Variants in ACSM3 observed in about 807,000 individuals in gnomAD.
The protein encoded by ACSM3 is acyl-CoA synthetase medium chain family member 3.
A neutral mutation model predicts 74.1 loss-of-function variants in ACSM3; 61 were observed. That is an observed-to-expected ratio of 0.82 (90% CI 0.67 to 1.02). The LOEUF is 1.02. ACSM3 is among the 50% of genes least tolerant of loss of function. The pLI is 0.00. For missense variants in ACSM3, 660 were observed against 697.0 expected, an observed-to-expected ratio of 0.95 and a Z score of 0.60; for synonymous variants, 213 against 241.5, an observed-to-expected ratio of 0.88 and a Z score of 1.09.
chr16:20,746,962 C>A (rs886404073), intron 1 of ACSM3, among the ~76,000 whole-genome samples: 2 of 152,174 alleles, frequency 1.3e-5, no homozygotes, highest in African/African-American at 4.8e-5. Context: ...TCTAAACATA[C>A]AAGTCTTTCT....
intron 1 of ACSM3, among the ~76,000 whole-genome samples, chr16:20,724,038 A>G (rs1303432185): frequency 6.6e-6 from 1 of 152,160 alleles, no homozygotes; most frequent in African/African-American, 2.4e-5. Context: ...TCTTTAATCC[A>G]TCTCGAATTA....
At chr16:20,741,693 C>T (rs866791857) in intron 1 of ACSM3, 1 of 1,578,280 alleles carries the variant, frequency 6.3e-7, no homozygotes, top group Non-Finnish European at 8.6e-7. Context: ...CTTGCCTTTG[C>T]GCTTCCCGCC....
chr16:20,741,481 G>GGGGGGGGGGGCCCCCCCCCCCCCCC, intron 1 of ACSM3: 1 of 1,308,410 alleles, frequency 7.6e-7, no homozygotes, highest in Non-Finnish European at 9.9e-7. Context: ...CTGGCAGCCG[G>GGGGGGGGGGGCCCCCCCCCCCCCCC]CCCGCCCGCC....
chr16:20,719,408 T>C (rs2079777823), intron 1 of ACSM3: 3 of 237,774 alleles, frequency 1.3e-5, no homozygotes, highest in South Asian at 1.6e-4. Context: ...TCCAGCTAGA[T>C]AGATCTTTAG....
Position 20,797,129 on chromosome 16 carries a change from T to G in ACSM3, c.*157T>G. ...GGTTATGATATCAGAGGCTAAATTTTGAAATAAAATATTTGGCAAATTCCT... is the reference window on the plus strand; with the variant it reads ...GGTTATGATATCAGAGGCTAAATTTGGAAATAAAATATTTGGCAAATTCCT... On this transcript the variant is annotated 3_prime_UTR_variant, in exon 14 of 14. Transcript: ENST00000289416. The G allele has an allele frequency of 7.3e-7, 1 of 1,369,722 alleles. No individual in the cohort carries two copies. The highest frequency in any genetic ancestry group is 9.4e-7 in the Non-Finnish European group (1 of 1,063,070). 84.8% of individuals were successfully genotyped at this position (1,369,722 alleles called of 1,614,324 possible).
At chr16:20,706,482 G>A (rs1280042998) in intron 1 of ACSM3, among the ~76,000 whole-genome samples, 1 of 152,156 alleles carries the variant, frequency 6.6e-6, no homozygotes, top group African/African-American at 2.4e-5. Flanking sequence ...TCTATTCAAG[G>A]GCAAAAGTGC....
chr16:20,700,571 AT>A (rs2079710362), intron 1 of ACSM3, among the ~76,000 whole-genome samples: 1 of 151,704 alleles, frequency 6.6e-6, no homozygotes, highest in Admixed American at 6.6e-5. Context: ...GGGGACTGGG[AT>A]GGCAGATTAC....
intron 1 of ACSM3, chr16:20,734,506 T>C (rs935952975): frequency 6.6e-6 from 1 of 152,160 alleles, no homozygotes; most frequent in Admixed American, 6.6e-5. Flanking sequence ...GCTAGGAGGA[T>C]AAAAATACAT....
intron 1 of ACSM3, among the ~76,000 whole-genome samples, chr16:20,694,448 G>T (rs2079679232): frequency 6.6e-6 from 1 of 152,156 alleles, no homozygotes; most frequent in African/African-American, 2.4e-5. Context: ...AGCCAAGTTG[G>T]TTCTAGAAGC....
At chr16:20,792,397 CAGT>C in intron 12 of ACSM3, 62 bp downstream of exon 12, 1 of 1,594,364 alleles carries the variant, frequency 6.3e-7, no homozygotes, top group Non-Finnish European at 8.6e-7. Context: ...TACTTACAAA[CAGT>C]AGCTCAGTGA....
intron 1 of ACSM3, among the ~76,000 whole-genome samples, chr16:20,731,268 CT>C (rs1360561117): frequency 9.8e-5 from 15 of 152,300 alleles, no homozygotes; most frequent in South Asian, 6.2e-4. Context: ...ATTTGTCCCC[CT>C]GGTACATGCT....
chr16:20,691,156 C>G, intron 1 of ACSM3: 1 of 1,610,328 alleles, frequency 6.2e-7, no homozygotes, highest in South Asian at 1.1e-5. Context: ...TGTGGATGCC[C>G]CAGAGGGTCC....
At position 20,783,964 on chromosome 16, in the gene ACSM3, C is replaced by G. The variant is rs143942306; in HGVS notation, c.1020-1020C>G. Among the ~76,000 whole-genome samples, 1,212 of 152,282 alleles carry G rather than the reference C, an allele frequency of 8.0e-3. 17 individuals carry two copies. The highest frequency in any genetic ancestry group is 0.027 in the African/African-American group (1,142 of 41,548). On this transcript the variant is annotated intron_variant, in intron 7 of 13. Coordinates refer to ENST00000289416, the MANE Select transcript of ACSM3 (RefSeq NM_005622.4). The stretch of plus-strand genomic sequence containing the variant: ...AGGATTACAGGTGTGCACCACCATG[C>G]CTGGCTACTTTTTGTATTTTTAGTG...
At chr16:20,736,780 A>G in intron 1 of ACSM3, 1 of 1,210,268 alleles carries the variant, frequency 8.3e-7, no homozygotes, top group South Asian at 1.5e-5. Flanking sequence ...AATGCAGCAC[A>G]CAAATAAAAA....
In ACSM3 at chr16:20,780,859, T is replaced by C; in HGVS notation, c.782+2T>C. On this transcript the variant is annotated splice_donor_variant, in intron 5 of 13. Transcript: ENST00000289416. LOFTEE classifies it high-confidence loss of function. ...TTTAGGATTATCTGTAAATGGAAGG[T>C]ATACTTTCACAAAAGTGCAGCTTGA... 6.2e-7 allele frequency: 1 copy of C among 1,614,218 alleles called. No homozygotes were observed. Among genetic ancestry groups the C allele is most frequent in the Non-Finnish European group, 8.5e-7 (1 of 1,180,022 alleles).
At chr16:20,709,145 C>T (rs1032331542) in intron 1 of ACSM3, among the ~76,000 whole-genome samples, 2 of 152,156 alleles carry the variant, frequency 1.3e-5, no homozygotes, top group Non-Finnish European at 2.9e-5. Flanking sequence ...GCTAGGAAAG[C>T]TGGATATCCA....
chr16:20,758,785 C>G (rs1044121356), intron 3 of ACSM3, among the ~76,000 whole-genome samples: 7 of 151,662 alleles, frequency 4.6e-5, no homozygotes, highest in African/African-American at 1.7e-4. Context: ...AAATTTCCCT[C>G]TACACACTGC....
At chr16:20,728,430 G>C in intron 1 of ACSM3, 1 of 1,428,662 alleles carries the variant, frequency 7.0e-7, no homozygotes, top group Non-Finnish European at 9.8e-7. Context: ...TGGCAAAGAA[G>C]GGGAAATTGC....
intron 13 of ACSM3, 90 bp downstream of exon 13, chr16:20,796,579 A>G (rs1234533216): frequency 6.3e-7 from 1 of 1,576,620 alleles, no homozygotes; most frequent in Non-Finnish European, 8.6e-7. Context: ...TTTTCTTCAC[A>G]CATGCTGCAC....
Sources: gnomAD v4.1 joint callset for allele counts (sites outside exome capture counted in the v4.1 genomes callset) on GRCh38, gnomAD v4.1.1 for gene constraint, MANE v1.5 for transcripts, NCBI Gene and HGNC (gene_info 2026-07-23, HGNC 2026-07-21) for gene names.